MYL3: variants seen among roughly 807,000 people sequenced by gnomAD.
MYL3 encodes CMLC1.
In MYL3, 11 loss-of-function variants were observed where a neutral mutation model predicts 21.3. That is an observed-to-expected ratio of 0.52 (90% CI 0.32 to 0.85). MYL3 has a LOEUF of 0.85. Among genes scored for constraint, MYL3 ranks in the 40% least tolerant of loss-of-function variants. MYL3 has a pLI of 0.03. For missense variants in MYL3, 206 were observed against 253.3 expected, an observed-to-expected ratio of 0.81 and a Z score of 1.27; for synonymous variants, 88 against 91.6, an observed-to-expected ratio of 0.96 and a Z score of 0.22.
rs944712384 is a variant in MYL3 at position 46,874,727 on chromosome 3, AC to A, written c.-218+7346del. Among the ~76,000 whole-genome samples the A allele has an allele frequency of 6.6e-6, 1 of 152,106 alleles. No homozygotes were observed. The highest frequency in any genetic ancestry group is 1.5e-5 in the Non-Finnish European group (1 of 68,014). On this transcript the variant is annotated intron_variant, in intron 1 of 3. Transcript: ENST00000431168. This position sits in a 1 kb window ranked among gnomAD's most constrained non-coding sequence, Gnocchi z 4.1. ...TGGGAGGGGGTATTCCGAGGCACAGACCCCCCCCCACACACACAATAGGGAC... is the reference window on the plus strand; with the variant it reads ...TGGGAGGGGGTATTCCGAGGCACAGACCCCCCCCACACACACAATAGGGAC...
chr3:46,876,032 C>T (rs951309822), intron 1 of MYL3, among the ~76,000 whole-genome samples: 1 of 152,234 alleles, frequency 6.6e-6, no homozygotes, highest in Admixed American at 6.5e-5. Flanking sequence ...ACTGGCAGGC[C>T]CAAGGCTCGA....
intron 1 of MYL3, among the ~76,000 whole-genome samples, chr3:46,870,371 G>T (rs565704804): frequency 1.3e-5 from 2 of 152,104 alleles, no homozygotes; most frequent in South Asian, 4.2e-4. Context: ...AGTGATGGAG[G>T]TGAAGACAGG....
intron 1 of MYL3, among the ~76,000 whole-genome samples, chr3:46,875,367 G>A (rs2030154376): frequency 6.6e-6 from 1 of 152,192 alleles, no homozygotes; most frequent in Admixed American, 6.5e-5. Flanking sequence ...TGGGATGCAA[G>A]CCCATGCCCA....
chr3:46,865,836 A>G (rs1702043385), upstream of MYL3, among the ~76,000 whole-genome samples: 1 of 152,154 alleles, frequency 6.6e-6, no homozygotes, highest in Non-Finnish European at 1.5e-5. The surrounding 1 kb of genome is among the most constrained non-coding windows in gnomAD (Gnocchi z 4.3). Context: ...CAGCAGGGAC[A>G]GGGTGCACAG....
chr3:46,873,265 G>A (rs2030007747), intron 1 of MYL3, among the ~76,000 whole-genome samples: 1 of 152,254 alleles, frequency 6.6e-6, no homozygotes, highest in African/African-American at 2.4e-5. Flanking sequence ...TGCAGGGGCA[G>A]AGGCCAAGAG....
chr3:46,860,805 G>C lies in MYL3; in HGVS notation c.178C>G (p.Leu60Val), dbSNP rs1367233580. Residue 60 changes from leucine (L) to valine (V), a missense_variant, in exon 3 of 7, where the codon CTG becomes GTG. Physicochemically the swap from Leu to Val is conservative, Grantham distance 32. Coordinates refer to ENST00000292327, the MANE Select transcript of MYL3 (RefSeq NM_000258.3). The surrounding 1 kb of genome is among the most constrained non-coding windows in gnomAD (Gnocchi z 4.6). ...TCACACTTGGGTGTGCGGTCGAACA[G>C]CATGAAGGCTTCCTTGAACTCTGCC... ...QIEEFKEAFM[L>V]FDRTPKCEMK... 50 of 1,613,990 alleles carry C rather than the reference G, an allele frequency of 3.1e-5. No homozygotes were observed. The highest frequency in any genetic ancestry group is 4.2e-5 in the Non-Finnish European group (50 of 1,180,028).
intron 1 of MYL3, among the ~76,000 whole-genome samples, chr3:46,880,461 C>A (rs2030482478): frequency 6.6e-6 from 1 of 152,134 alleles, no homozygotes; most frequent in East Asian, 1.9e-4. Context: ...TGGGGAGGGC[C>A]AAGGCTGGTG....
At chr3:46,872,743 G>A (rs1256695132) in intron 1 of MYL3, among the ~76,000 whole-genome samples, 1 of 152,240 alleles carries the variant, frequency 6.6e-6, no homozygotes, top group East Asian at 1.9e-4. Flanking sequence ...TGCTGTCTCA[G>A]GGTTAGGCTC....
chr3:46,859,777 GCA>G lies in MYL3; in HGVS notation c.308-131_308-130del. 1 of 1,111,876 alleles carries G rather than the reference GCA, an allele frequency of 9.0e-7. No individual in the cohort carries two copies. Among genetic ancestry groups the G allele is most frequent in the South Asian group, 1.3e-5 (1 of 79,234 alleles). 68.9% of individuals were successfully genotyped at this position (1,111,876 alleles called of 1,614,324 possible). A position where few individuals can be genotyped will look rare whatever the true frequency, so the allele number is the denominator to read the frequency against. ...ACAACAGTCTACACCAGTTCTCACA[GCA>G]GTCTACACCAGTTTGCCATTTAAAA... On this transcript the variant is annotated intron_variant, in intron 3 of 6. Coordinates refer to ENST00000292327, the MANE Select transcript of MYL3 (RefSeq NM_000258.3). The surrounding 1 kb of genome is among the most constrained non-coding windows in gnomAD (Gnocchi z 4.1).
At chr3:46,875,838 A>T (rs938341458) in intron 1 of MYL3, among the ~76,000 whole-genome samples, 1 of 152,306 alleles carries the variant, frequency 6.6e-6, no homozygotes, top group Admixed American at 6.5e-5. Context: ...GGGTCTCCCA[A>T]TGAATGGGAG....
intron 4 of MYL3, among the ~76,000 whole-genome samples, chr3:46,858,821 G>A (rs1419023479): frequency 6.6e-6 from 1 of 152,126 alleles, no homozygotes. Flanking sequence ...AGGGAGCCAA[G>A]AGACCACCCG....
intron 1 of MYL3, among the ~76,000 whole-genome samples, chr3:46,871,965 GGA>G (rs2029947861): frequency 6.6e-6 from 1 of 152,216 alleles, no homozygotes; most frequent in Non-Finnish European, 1.5e-5. Flanking sequence ...GGTTGGCTGG[GGA>G]GAGAGAACTC....
chr3:46,870,184 C>T (rs1224520668), intron 1 of MYL3, among the ~76,000 whole-genome samples: 1 of 152,158 alleles, frequency 6.6e-6, no homozygotes, highest in Non-Finnish European at 1.5e-5. Context: ...ACCCCTCACC[C>T]CGGCTCCCAG....
intron 1 of MYL3, among the ~76,000 whole-genome samples, chr3:46,872,738 T>A (rs1015961607): frequency 6.6e-6 from 1 of 152,212 alleles, no homozygotes; most frequent in Admixed American, 6.5e-5. Context: ...TCAGCTGCTG[T>A]CTCAGGGTTA....
intron 1 of MYL3, chr3:46,881,191 C>G: frequency 6.6e-6 from 1 of 152,332 alleles, no homozygotes; most frequent in South Asian, 2.1e-4. Context: ...GCTTCCTCCG[C>G]GATCCTTAAA....
chr3:46,876,744 T>C (rs2030241840), intron 1 of MYL3, among the ~76,000 whole-genome samples: 1 of 152,186 alleles, frequency 6.6e-6, no homozygotes, highest in Non-Finnish European at 1.5e-5. Context: ...CACTGGGGGC[T>C]ACAGCTGGAA....
At chr3:46,871,714 T>C (rs2029921585) in intron 1 of MYL3, among the ~76,000 whole-genome samples, 1 of 152,146 alleles carries the variant, frequency 6.6e-6, no homozygotes, top group Non-Finnish European at 1.5e-5. Flanking sequence ...GCCTAGAGCC[T>C]ACGGGTAAGG....
In MYL3 at chr3:46,859,617, A is replaced by T. The variant is rs1575497864; in HGVS notation, c.339T>A (p.Thr113=). ...AAATGTGCTGGAGCATAGGCAGGAA[A>T]GTTTCAAAGTCCATCATCTTGGTAT... ...ELNTKMMDFE[T]FLPMLQHISK... The change falls in exon 4 of 7, where the codon ACT becomes ACA. Residue 113 remains threonine, a synonymous_variant. Coordinates refer to ENST00000292327, the MANE Select transcript of MYL3 (RefSeq NM_000258.3). This position sits in a 1 kb window ranked among gnomAD's most constrained non-coding sequence, Gnocchi z 4.1. 1 of 1,614,180 alleles carries T rather than the reference A, an allele frequency of 6.2e-7. No homozygotes were observed. The highest frequency in any genetic ancestry group is 8.5e-7 in the Non-Finnish European group (1 of 1,180,028).
chr3:46,881,843 C>G (rs1294565103), intron 1 of MYL3, among the ~76,000 whole-genome samples: 1 of 152,102 alleles, frequency 6.6e-6, no homozygotes, highest in Non-Finnish European at 1.5e-5. Context: ...GCGTCGCGGC[C>G]GGGGGCGCGC....
Sources: gnomAD v4.1 joint callset for allele counts (sites outside exome capture counted in the v4.1 genomes callset) on GRCh38, gnomAD v4.1.1 for gene constraint, Gnocchi (gnomAD v3.1) non-coding constraint, MANE v1.5 for transcripts, NCBI Gene and HGNC (gene_info 2026-07-23, HGNC 2026-07-21) for gene names.